NFKB1: variants seen among roughly 807,000 people sequenced by gnomAD.
NFKB1 encodes nuclear factor NF-kappa-B p105 subunit.
A neutral mutation model predicts 105.1 loss-of-function variants in NFKB1; 9 were observed. The observed-to-expected ratio is 0.09, with a 90% CI of 0.05 to 0.15. The LOEUF is 0.15. NFKB1 is among the 10% of genes least tolerant of loss of function. NFKB1 has a pLI of 1.00. For synonymous variants in NFKB1, 440 were observed against 442.2 expected (o/e 1.00, Z 0.06); for missense variants, 830 against 1,203.7 (o/e 0.69, Z 4.59).
At chr4:102,529,436 A>G (rs973575507) in intron 2 of NFKB1, among the ~76,000 whole-genome samples, 1 of 152,214 alleles carries the variant, frequency 6.6e-6, no homozygotes, top group African/African-American at 2.4e-5. Flanking sequence ...TTCTAGGATT[A>G]TATTATTTTG....
chr4:102,594,654 C>G (rs956461217), intron 12 of NFKB1, among the ~76,000 whole-genome samples: 1 of 152,134 alleles, frequency 6.6e-6, no homozygotes, highest in African/African-American at 2.4e-5. Flanking sequence ...CCATTACAAC[C>G]CCTCCCCAAA....
At chr4:102,545,810 A>G (rs1476454424) in intron 5 of NFKB1, among the ~76,000 whole-genome samples, 1 of 152,178 alleles carries the variant, frequency 6.6e-6, no homozygotes, top group Non-Finnish European at 1.5e-5. Flanking sequence ...CTAAGAATAC[A>G]TGCCATTATA....
intron 15 of NFKB1, among the ~76,000 whole-genome samples, chr4:102,599,971 C>G (rs1028143158): frequency 6.6e-6 from 1 of 152,156 alleles, no homozygotes; most frequent in Non-Finnish European, 1.5e-5. Context: ...GCCTCATTAG[C>G]GTAAGCTCTT....
At chr4:102,606,429 C>G (rs1727731702) in intron 16 of NFKB1, 67 bp from the exon 17 acceptor site, 2 of 1,454,132 alleles carry the variant, frequency 1.4e-6, no homozygotes, top group Admixed American at 3.4e-5. Context: ...GTAACAGCTA[C>G]CAAGCTGTGA....
rs967032420 is a variant in NFKB1, at chr4:102,501,657, C to G, written c.-139C>G. 1 of 150,970 alleles carries G rather than the reference C, an allele frequency of 6.6e-6. No homozygotes were observed. Among genetic ancestry groups the G allele is most frequent in the Non-Finnish European group, 1.5e-5 (1 of 67,906 alleles). 9.4% of individuals were successfully genotyped at this position (150,970 alleles called of 1,614,324 possible). A position where few individuals can be genotyped will look rare whatever the true frequency, so the allele number is the denominator to read the frequency against. On this transcript the variant is annotated 5_prime_UTR_variant, in exon 1 of 24. Transcript: ENST00000226574. ...CCCGGCCCCGCCGCGCTCCCGCTCG[C>G]CCCGACCCGCACTCGGGCCCGCCCG...
At chr4:102,595,520 T>C (rs750939755) in intron 13 of NFKB1, among the ~76,000 whole-genome samples, 3 of 152,242 alleles carry the variant, frequency 2.0e-5, no homozygotes, top group Admixed American at 1.3e-4. Flanking sequence ...TTTTAACTGT[T>C]ATCTTCATGA....
chr4:102,578,802 A>T, intron 7 of NFKB1, 79 bp from the exon 8 acceptor site: 1 of 1,458,650 alleles, frequency 6.9e-7, no homozygotes, highest in South Asian at 1.3e-5. Context: ...AGTTTACATT[A>T]TTTGGGCTTT....
intron 5 of NFKB1, among the ~76,000 whole-genome samples, chr4:102,557,435 C>T (rs1723069168): frequency 6.6e-6 from 1 of 152,154 alleles, no homozygotes; most frequent in Admixed American, 6.5e-5. Flanking sequence ...TACTCCAAAG[C>T]CTGTGCTCTT....
intron 11 of NFKB1, among the ~76,000 whole-genome samples, chr4:102,588,362 G>A (rs911648806): frequency 6.6e-6 from 1 of 151,944 alleles, no homozygotes; most frequent in African/African-American, 2.4e-5. Context: ...GAGATGGTTG[G>A]GTCCAGGGGA....
intron 6 of NFKB1, among the ~76,000 whole-genome samples, chr4:102,576,421 C>A (rs1159473181): frequency 2.0e-5 from 3 of 152,128 alleles, no homozygotes; most frequent in Non-Finnish European, 4.4e-5. Flanking sequence ...GGTAAGACTT[C>A]CTCATTAAGA....
intron 17 of NFKB1, 68 bp downstream of exon 17, chr4:102,606,765 A>G (rs1727784732): frequency 7.4e-6 from 11 of 1,487,146 alleles, no homozygotes; most frequent in South Asian, 6.0e-5. Context: ...GGTATTTGAT[A>G]AACGTGTGTT....
In NFKB1 at chr4:102,613,549, C is replaced by G. The variant is rs1253465534; in HGVS notation, c.2717C>G (p.Pro906Arg). The change falls in exon 23 of 24, where the codon CCT (proline) becomes CGT (arginine). Residue 906 changes from proline (P) to arginine (R), a missense_variant. Pro to Arg is a moderately radical substitution (Grantham distance 103, BLOSUM62 -2). This residue lies in a region of NFKB1 where 418 missense variants were observed against 575.3 expected (regional missense o/e 0.73). Transcript: ENST00000226574. ...VKTTSQAHSL[P>R]LSPASTRQQI... ...ACCACCTCTCAGGCCCACTCGCTGC[C>G]TCTCTCGCCTGCCTCCACAAGGCAG... The G allele has an allele frequency of 1.9e-6, 3 of 1,613,686 alleles. No individual in the cohort carries two copies. Among genetic ancestry groups the G allele is most frequent in the Non-Finnish European group, 2.5e-6 (3 of 1,179,876 alleles).
intron 5 of NFKB1, among the ~76,000 whole-genome samples, chr4:102,556,129 G>A (rs553302343): frequency 5.9e-5 from 9 of 152,250 alleles, no homozygotes; most frequent in African/African-American, 2.2e-4. Context: ...ATGAAAAGAC[G>A]ATTTTGCTGC....
At chr4:102,589,063 T>C (rs774614078) in intron 11 of NFKB1, among the ~76,000 whole-genome samples, 5 of 152,204 alleles carry the variant, frequency 3.3e-5, no homozygotes, top group African/African-American at 7.2e-5. Flanking sequence ...ATAAAGCTTA[T>C]GTGGAATGTT....
chr4:102,576,770 G>A, intron 6 of NFKB1, 106 bp from the exon 7 acceptor site: 2 of 1,161,824 alleles, frequency 1.7e-6, no homozygotes, highest in Admixed American at 4.7e-5. Context: ...AAAGCATTGA[G>A]GGCCTGTGTA....
chr4:102,579,945 G>C (rs1725191388), intron 8 of NFKB1, among the ~76,000 whole-genome samples: 1 of 150,692 alleles, frequency 6.6e-6, no homozygotes, highest in African/African-American at 2.4e-5. Context: ...TCATACCGCA[G>C]AATCACCTTA....
In NFKB1 at chr4:102,506,138, C is replaced by T. The variant is rs1302520727; in HGVS notation, c.-8+4350C>T. 5.9e-5 allele frequency among the ~76,000 whole-genome samples: 9 copies of T among 151,970 alleles called. No individual in the cohort carries two copies. The East Asian group carries it at 1.7e-3, about 29-fold the overall frequency. On this transcript the variant is annotated intron_variant, in intron 1 of 23. Transcript: ENST00000226574. ...CCTTTTAGTTTCAAAGTTTTAGAGG[C>T]ACCAGAGCAAGATTATAAAGTAATT...
In NFKB1 at chr4:102,515,104, A is replaced by ATTTTTTTTTTTTTTTTT. The variant is rs761237095; in HGVS notation, c.-7-10406_-7-10405insTTTTTTTTTTTTTTTTT. The stretch of plus-strand genomic sequence containing the variant: ...AGTTCCATGTAATATTATTATTATT[A>ATTTTTTTTTTTTTTTTT]TTATTTTTTTTTTTTTTTTTTTTTG... On this transcript the variant is annotated intron_variant, in intron 1 of 23. Coordinates refer to ENST00000226574, the MANE Select transcript of NFKB1 (RefSeq NM_003998.4). 7.9e-5 allele frequency among the ~76,000 whole-genome samples: 9 copies of ATTTTTTTTTTTTTTTTT among 113,504 alleles called. 1 individual carries two copies. The highest frequency in any genetic ancestry group is 1.1e-4 in the Non-Finnish European group (6 of 56,756). The allele number at this position is 113,504 out of a possible 152,430, so 74.5% of individuals were successfully genotyped here.
chr4:102,613,078 G>T (rs1167637266), intron 22 of NFKB1, among the ~76,000 whole-genome samples: 1 of 151,990 alleles, frequency 6.6e-6, no homozygotes, highest in East Asian at 1.9e-4. Flanking sequence ...AAATTTCATG[G>T]TTAGCTTTTG....
Sources: allele counts gnomAD v4.1 joint callset (sites outside exome capture counted in the v4.1 genomes callset), GRCh38; gene constraint gnomAD v4.1.1; regional missense constraint gnomAD v4.1.1; transcripts MANE v1.5; gene names NCBI Gene and HGNC (gene_info 2026-07-23, HGNC 2026-07-21).